Variants in GMPS observed in about 807,000 individuals in gnomAD.
The protein encoded by GMPS is GMP synthase [glutamine-hydrolyzing].
GMPS carries 15 observed loss-of-function variants against 77.9 expected under a neutral mutation model. The observed-to-expected ratio is 0.19, with a 90% CI of 0.13 to 0.30. GMPS has a LOEUF of 0.30. Ranked by LOEUF, GMPS falls within the 10% of genes least tolerant of loss-of-function variation. The pLI, the probability that GMPS is intolerant of heterozygous loss-of-function variation, is 1.00. For missense variants in GMPS, 590 were observed against 838.8 expected (o/e 0.70, Z 3.66); for synonymous variants, 224 against 275.9 (o/e 0.81, Z 1.86).
chr3:155,937,322 A>G (rs958042593), intron 15 of GMPS, among the ~76,000 whole-genome samples: 11 of 152,218 alleles, frequency 7.2e-5, no homozygotes, highest in African/African-American at 2.4e-4. Context: ...CTCAGTCACA[A>G]ACACAACTTG....
At chr3:155,889,474 G>A (rs1016732221) in intron 1 of GMPS, among the ~76,000 whole-genome samples, 2 of 152,182 alleles carry the variant, frequency 1.3e-5, no homozygotes, top group African/African-American at 4.8e-5. Context: ...TGCCTTCTGG[G>A]TCGTACCTCT....
chr3:155,904,039 A>G, intron 4 of GMPS, 79 bp downstream of exon 4: 1 of 623,870 alleles, frequency 1.6e-6, no homozygotes, highest in Non-Finnish European at 2.8e-6. Context: ...ACAATTGGAG[A>G]TTCTATAATT....
intron 12 of GMPS, 80 bp from the exon 13 acceptor site, chr3:155,931,685 A>ATTT (rs1755625673): frequency 2.5e-6 from 1 of 402,328 alleles, no homozygotes; most frequent in African/African-American, 2.4e-5. Context: ...TTTTTTTTTA[A>ATTT]AAAAAAAAAA....
intron 7 of GMPS, among the ~76,000 whole-genome samples, chr3:155,912,922 T>A (rs1268874026): frequency 1.3e-5 from 2 of 152,206 alleles, no homozygotes; most frequent in Non-Finnish European, 2.9e-5. Flanking sequence ...GAGAAGCAGA[T>A]CCTTTTCCTT....
intron 9 of GMPS, among the ~76,000 whole-genome samples, chr3:155,918,288 A>G (rs1271012615): frequency 1.3e-5 from 2 of 152,136 alleles, no homozygotes; most frequent in Non-Finnish European, 2.9e-5. Context: ...TGTATCTACT[A>G]AAAATACAAA....
chr3:155,928,140 T>C (rs1402940903), intron 12 of GMPS, among the ~76,000 whole-genome samples: 1 of 150,570 alleles, frequency 6.6e-6, no homozygotes, highest in African/African-American at 2.5e-5. Context: ...GATTCTCCTG[T>C]TGCAGCCTCC....
chr3:155,891,282 G>C (rs1754455169), intron 1 of GMPS, among the ~76,000 whole-genome samples: 1 of 152,046 alleles, frequency 6.6e-6, no homozygotes, highest in Non-Finnish European at 1.5e-5. Context: ...ACTTAGATTT[G>C]GTAAAAATGG....
intron 1 of GMPS, 57 bp from the exon 2 acceptor site, chr3:155,893,461 A>T: frequency 8.7e-7 from 1 of 1,145,450 alleles, no homozygotes; most frequent in Non-Finnish European, 1.2e-6. Flanking sequence ...TTTTTTTTTA[A>T]GTACTGTAGC....
intron 1 of GMPS, among the ~76,000 whole-genome samples, chr3:155,874,271 G>A (rs892606344): frequency 6.6e-6 from 1 of 152,164 alleles, no homozygotes; most frequent in East Asian, 1.9e-4. Context: ...TGGAGTAAAG[G>A]TGGTACCTGT....
chr3:155,938,042 A>G lies in GMPS; in HGVS notation c.*350A>G. On this transcript the variant is annotated 3_prime_UTR_variant, in exon 16 of 16. Coordinates refer to ENST00000496455, the MANE Select transcript of GMPS (RefSeq NM_003875.3). ...AATTATGGGCTTCTGTCTCCTTACC[A>G]GTTTCTAAGAACTGTTAGAAACGCC... is the stretch of plus-strand genomic sequence containing the variant. The G allele has an allele frequency of 4.0e-6, 1 of 251,144 alleles. No individual in the cohort carries two copies. The highest frequency in any genetic ancestry group is 7.7e-6 in the Non-Finnish European group (1 of 129,704). 15.6% of individuals were successfully genotyped at this position (251,144 alleles called of 1,614,324 possible). A position where few individuals can be genotyped will look rare whatever the true frequency, so the allele number is the denominator to read the frequency against.
intron 15 of GMPS, among the ~76,000 whole-genome samples, 187 bp from the exon 16 acceptor site, chr3:155,937,404 A>G (rs1272111592): frequency 6.6e-6 from 1 of 152,222 alleles, no homozygotes; most frequent in East Asian, 1.9e-4. Flanking sequence ...TTAAACCTTA[A>G]TAACTTACAC....
intron 9 of GMPS, among the ~76,000 whole-genome samples, chr3:155,917,160 A>T (rs1755201664): frequency 6.6e-6 from 1 of 151,910 alleles, no homozygotes; most frequent in Non-Finnish European, 1.5e-5. Context: ...TTTAGTAGAG[A>T]TGGGGTTTCA....
At chr3:155,923,635 T>C (rs1428836965) in intron 11 of GMPS, among the ~76,000 whole-genome samples, 1 of 152,196 alleles carries the variant, frequency 6.6e-6, no homozygotes, top group Non-Finnish European at 1.5e-5. Flanking sequence ...ACAGCTAAAC[T>C]GTCTTTTAAA....
rs765301043 is a variant in GMPS at position 155,938,321 on chromosome 3, T to C, written c.*629T>C. On this transcript the variant is annotated 3_prime_UTR_variant, in exon 16 of 16. Transcript: ENST00000496455. ...AGCCTTGGGAGGAAGAAACTATGAGTGGTCTCAGATGTCTATGAATGGTCT... is the reference window on the plus strand; with the variant it reads ...AGCCTTGGGAGGAAGAAACTATGAGCGGTCTCAGATGTCTATGAATGGTCT... 1 of 217,766 alleles carries C rather than the reference T, an allele frequency of 4.6e-6. No individual in the cohort carries two copies. The highest frequency in any genetic ancestry group is 6.8e-5 in the East Asian group (1 of 14,762). The allele number at this position is 217,766 out of a possible 1,614,324, so 13.5% of individuals were successfully genotyped here.
intron 2 of GMPS, 108 bp from the exon 3 acceptor site, chr3:155,897,819 G>C: frequency 3.1e-6 from 2 of 649,986 alleles, no homozygotes; most frequent in South Asian, 4.1e-5. Context: ...CAAAAACAAC[G>C]CAATTTCTGG....
At chr3:155,926,684 C>G (rs990068973) in intron 12 of GMPS, among the ~76,000 whole-genome samples, 2 of 152,098 alleles carry the variant, frequency 1.3e-5, no homozygotes, top group East Asian at 3.9e-4. Context: ...TTTAAATTCC[C>G]CTTTGCTCTG....
chr3:155,899,848 T>A (rs991975232), intron 3 of GMPS, among the ~76,000 whole-genome samples: 1 of 152,240 alleles, frequency 6.6e-6, no homozygotes, highest in African/African-American at 2.4e-5. Context: ...TCATACAGTA[T>A]GTAGCCTTTT....
chr3:155,896,209 C>T (rs1754598425), intron 2 of GMPS, among the ~76,000 whole-genome samples: 1 of 151,952 alleles, frequency 6.6e-6, no homozygotes, highest in Non-Finnish European at 1.5e-5. Context: ...CAGGGTTTTG[C>T]CATGTTAGCC....
intron 5 of GMPS, 124 bp from the exon 6 acceptor site, chr3:155,910,568 C>CAAAAAAAAAAAAAAAAAAA: frequency 4.1e-6 from 1 of 245,322 alleles, no homozygotes. Context: ...GACTCTGTCT[C>CAAAAAAAAAAAAAAAAAAA]AAAAAAAAAA....
Sources: gnomAD v4.1 joint callset for allele counts (sites outside exome capture counted in the v4.1 genomes callset) on GRCh38, gnomAD v4.1.1 for gene constraint, MANE v1.5 for transcripts, NCBI Gene and HGNC (gene_info 2026-07-23, HGNC 2026-07-21) for gene names.